The following ZCCHC7 variants were observed in gnomAD, a reference collection of about 807,000 sequenced individuals.
ZCCHC7 encodes the protein zinc finger CCHC domain-containing protein 7.
A neutral mutation model predicts 52.0 loss-of-function variants in ZCCHC7; 35 were observed. That is an observed-to-expected ratio of 0.67 (90% CI 0.51 to 0.89). The LOEUF (loss-of-function observed/expected upper bound fraction) is 0.89, where lower values mean the gene tolerates loss of function less well. ZCCHC7 is among the 40% of genes least tolerant of loss of function. The pLI, the probability that ZCCHC7 is intolerant of heterozygous loss-of-function variation, is 0.00. For missense variants in ZCCHC7, 574 were observed against 649.1 expected (o/e 0.88, Z 1.26); for synonymous variants, 217 against 221.5 (o/e 0.98, Z 0.18).
At chr9:37,220,233 G>C (rs1375748733) in intron 2 of ZCCHC7, among the ~76,000 whole-genome samples, 1 of 152,128 alleles carries the variant, frequency 6.6e-6, no homozygotes, top group Non-Finnish European at 1.5e-5. Context: ...GTTAAGATTG[G>C]TGGTCAGTCA....
At chr9:37,176,046 T>C (rs1822007471) in intron 2 of ZCCHC7, among the ~76,000 whole-genome samples, 1 of 150,154 alleles carries the variant, frequency 6.7e-6, no homozygotes, top group Non-Finnish European at 1.5e-5. Flanking sequence ...TTCTTAAGCC[T>C]CATTTGTTTT....
chr9:37,162,108 A>G (rs1209858706), intron 2 of ZCCHC7, among the ~76,000 whole-genome samples: 2 of 152,246 alleles, frequency 1.3e-5, no homozygotes, highest in Non-Finnish European at 2.9e-5. Flanking sequence ...GTAAACGATC[A>G]TATAGATGGC....
intron 2 of ZCCHC7, among the ~76,000 whole-genome samples, chr9:37,128,795 AC>A (rs1317140838): frequency 6.6e-6 from 1 of 152,240 alleles, no homozygotes; most frequent in African/African-American, 2.4e-5. Context: ...TAGTGAACTC[AC>A]TTTGAAGGAT....
chr9:37,346,203 A>G (rs896389455), intron 6 of ZCCHC7, among the ~76,000 whole-genome samples: 9 of 152,214 alleles, frequency 5.9e-5, no homozygotes, highest in Admixed American at 2.0e-4. Context: ...AGGCTTCTCT[A>G]TGTTGGTCAG....
intron 5 of ZCCHC7, among the ~76,000 whole-genome samples, chr9:37,315,189 T>G (rs1285883902): frequency 6.6e-6 from 1 of 152,002 alleles, no homozygotes; most frequent in African/African-American, 2.4e-5. Context: ...TATATACATA[T>G]ATAAACAATG....
intron 2 of ZCCHC7, among the ~76,000 whole-genome samples, chr9:37,278,912 G>A (rs1298464859): frequency 3.3e-5 from 5 of 152,118 alleles, no homozygotes; most frequent in Non-Finnish European, 5.9e-5. Context: ...GACCAGATGC[G>A]GTAGCTCACA....
intron 6 of ZCCHC7, among the ~76,000 whole-genome samples, chr9:37,343,057 A>G (rs990197698): frequency 2.0e-4 from 30 of 152,212 alleles, no homozygotes; most frequent in African/African-American, 7.2e-4. Flanking sequence ...GCGCATAGCC[A>G]TACACTTGTA....
At position 37,170,674 on chromosome 9, in the gene ZCCHC7, G is replaced by A. The variant is rs192962394; in HGVS notation, c.610+43732G>A. Among the ~76,000 whole-genome samples, 241 of 152,182 alleles carry A rather than the reference G, an allele frequency of 1.6e-3. 1 individual carries two copies. Among genetic ancestry groups the A allele is most frequent in the Middle Eastern group, 6.8e-3 (2 of 294 alleles). On this transcript the variant is annotated intron_variant, in intron 2 of 8. Coordinates refer to ENST00000336755, the MANE Select transcript of ZCCHC7 (RefSeq NM_032226.3). ...TAATCCCTATATTGTCTTTTTCTTG[G>A]ATCTCATTGACACATATTTCTATTC...
intron 2 of ZCCHC7, among the ~76,000 whole-genome samples, chr9:37,283,610 A>G (rs1433225342): frequency 1.3e-5 from 2 of 152,194 alleles, no homozygotes; most frequent in Non-Finnish European, 1.5e-5. Flanking sequence ...AAATATTTCT[A>G]AGAGTCACTT....
chr9:37,149,361 C>G (rs892181730), intron 2 of ZCCHC7, among the ~76,000 whole-genome samples: 1 of 152,124 alleles, frequency 6.6e-6, no homozygotes, highest in African/African-American at 2.4e-5. Flanking sequence ...ATATCCCAAA[C>G]ATTGTACACT....
chr9:37,315,104 G>T (rs1358421571), intron 5 of ZCCHC7, among the ~76,000 whole-genome samples: 5 of 149,708 alleles, frequency 3.3e-5, no homozygotes, highest in Non-Finnish European at 5.9e-5. Flanking sequence ...CCTGTAGAAT[G>T]ATTATATTTC....
intron 2 of ZCCHC7, among the ~76,000 whole-genome samples, chr9:37,178,409 C>CAAA (rs34269738): frequency 2.6e-5 from 2 of 77,830 alleles, no homozygotes; most frequent in Non-Finnish European, 4.7e-5. Context: ...TACCCCCCAC[C>CAAA]AAAAAAAAAA....
At chr9:37,129,504 A>T (rs1842685038) in intron 2 of ZCCHC7, among the ~76,000 whole-genome samples, 1 of 152,172 alleles carries the variant, frequency 6.6e-6, no homozygotes, top group African/African-American at 2.4e-5. Context: ...GTGTGTTGTT[A>T]CTCTGTAATC....
At chr9:37,161,386 A>G (rs141410804) in intron 2 of ZCCHC7, among the ~76,000 whole-genome samples, 7,763 of 152,160 alleles carry the variant, frequency 0.051, 643 homozygotes, top group African/African-American at 0.18. Context: ...CATCCTGGCT[A>G]ACACGGTGAA....
chr9:37,221,107 G>C (rs1265747487), intron 2 of ZCCHC7, among the ~76,000 whole-genome samples: 1 of 152,202 alleles, frequency 6.6e-6, no homozygotes, highest in Non-Finnish European at 1.5e-5. Flanking sequence ...AGCCACAGAG[G>C]CACATCAGTA....
intron 2 of ZCCHC7, among the ~76,000 whole-genome samples, chr9:37,212,752 C>T (rs1460581207): frequency 1.3e-5 from 2 of 152,174 alleles, no homozygotes; most frequent in Non-Finnish European, 2.9e-5. Context: ...GCTTCCTTGA[C>T]CCCTAAACAC....
intron 2 of ZCCHC7, among the ~76,000 whole-genome samples, chr9:37,172,058 A>G (rs1353155851): frequency 2.0e-5 from 3 of 152,144 alleles, no homozygotes; most frequent in African/African-American, 7.2e-5. Flanking sequence ...TTTTTATGGG[A>G]CCTGTGTCTC....
chr9:37,264,015 G>A (rs1011321353), intron 2 of ZCCHC7, among the ~76,000 whole-genome samples: 1 of 152,148 alleles, frequency 6.6e-6, no homozygotes, highest in African/African-American at 2.4e-5. Context: ...GTGCCCAAGA[G>A]TCTTTAATTT....
chr9:37,181,889 C>T (rs942453768), intron 2 of ZCCHC7, among the ~76,000 whole-genome samples: 7 of 151,978 alleles, frequency 4.6e-5, no homozygotes, highest in African/African-American at 9.7e-5. Flanking sequence ...CTTGCTGTGT[C>T]GCCCAGGCTG....
Sources: gnomAD v4.1 joint callset for allele counts (sites outside exome capture counted in the v4.1 genomes callset) on GRCh38, gnomAD v4.1.1 for gene constraint, MANE v1.5 for transcripts, NCBI Gene and HGNC (gene_info 2026-07-23, HGNC 2026-07-21) for gene names.